Variants in ATG10 observed in about 807,000 individuals in gnomAD.
ATG10 encodes the protein ubiquitin-like-conjugating enzyme ATG10.
Under a neutral mutation model 32.1 loss-of-function variants are expected in ATG10, and 30 were observed. That is an observed-to-expected ratio of 0.94 (90% CI 0.70 to 1.27). The LOEUF (loss-of-function observed/expected upper bound fraction) is 1.27. ATG10 is among the 50% of genes most tolerant of loss of function. ATG10 has a pLI of 0.00. For missense variants in ATG10, 233 were observed against 262.3 expected, an observed-to-expected ratio of 0.89 and a Z score of 0.77; for synonymous variants, 87 against 91.5, an observed-to-expected ratio of 0.95 and a Z score of 0.28.
rs998540124 is a variant in ATG10, at chr5:82,100,141, T to A, written c.216+41539T>A. ...CTCCTGCTTCAGACTCCTGAGTAGC[T>A]GGGATTACAGGTGCCTGCCACCACA... On this transcript the variant is annotated intron_variant, in intron 3 of 7. Coordinates refer to ENST00000282185, the MANE Select transcript of ATG10 (RefSeq NM_031482.5). Among the ~76,000 whole-genome samples, 7 of 151,166 alleles carry A rather than the reference T, an allele frequency of 4.6e-5. No homozygotes were observed. The East Asian group carries it at 1.4e-3, about 30-fold the overall frequency.
chr5:82,200,382 T>A (rs1745018482), intron 5 of ATG10, among the ~76,000 whole-genome samples: 1 of 151,944 alleles, frequency 6.6e-6, no homozygotes, highest in Non-Finnish European at 1.5e-5. Flanking sequence ...TGACTAATGA[T>A]GTTGAATATC....
At chr5:81,989,098 G>T (rs1408157010) in intron 2 of ATG10, among the ~76,000 whole-genome samples, 2 of 152,314 alleles carry the variant, frequency 1.3e-5, no homozygotes, top group Non-Finnish European at 2.9e-5. Flanking sequence ...CAAAGAGCTG[G>T]GATTACAAGC....
At chr5:82,006,566 A>T (rs1366828826) in intron 2 of ATG10, among the ~76,000 whole-genome samples, 1 of 152,184 alleles carries the variant, frequency 6.6e-6, no homozygotes, top group East Asian at 1.9e-4. Context: ...GTTTATAATT[A>T]TATATTAAAA....
At chr5:82,132,783 T>C (rs1276553886) in intron 3 of ATG10, among the ~76,000 whole-genome samples, 1 of 152,128 alleles carries the variant, frequency 6.6e-6, no homozygotes, top group Non-Finnish European at 1.5e-5. Flanking sequence ...TCAAATGGTA[T>C]TCCTAGTTCT....
At chr5:82,054,689 G>A (rs1427986367) in intron 2 of ATG10, among the ~76,000 whole-genome samples, 1 of 152,122 alleles carries the variant, frequency 6.6e-6, no homozygotes, top group African/African-American at 2.4e-5. Flanking sequence ...AAACTTGAAG[G>A]TTCCCTTTGT....
At chr5:82,052,449 G>A (rs1032996785) in intron 2 of ATG10, among the ~76,000 whole-genome samples, 10 of 152,070 alleles carry the variant, frequency 6.6e-5, no homozygotes, top group Admixed American at 6.6e-4. Flanking sequence ...AAGACCTATA[G>A]GACATTTTCT....
chr5:82,198,416 C>T (rs1744942520), intron 5 of ATG10, among the ~76,000 whole-genome samples: 1 of 152,120 alleles, frequency 6.6e-6, no homozygotes, highest in Admixed American at 6.6e-5. Context: ...GTGTGCACCA[C>T]CATGCCTGGC....
At chr5:82,090,068 A>G (rs550807231) in intron 3 of ATG10, among the ~76,000 whole-genome samples, 1 of 151,884 alleles carries the variant, frequency 6.6e-6, no homozygotes, top group South Asian at 2.1e-4. Flanking sequence ...GCCTTAAAAA[A>G]AAAAAACCCA....
chr5:82,182,323 A>G (rs984806920), intron 5 of ATG10, among the ~76,000 whole-genome samples: 5 of 152,120 alleles, frequency 3.3e-5, no homozygotes, highest in African/African-American at 1.2e-4. Context: ...TCCATATCTC[A>G]TACAGTTAGG....
At chr5:82,136,639 C>G (rs1455710465) in intron 3 of ATG10, among the ~76,000 whole-genome samples, 1 of 152,130 alleles carries the variant, frequency 6.6e-6, no homozygotes, top group African/African-American at 2.4e-5. Flanking sequence ...CCTGGCTGCC[C>G]TTAACATTTT....
At chr5:81,988,065 A>G (rs915012826) in intron 2 of ATG10, among the ~76,000 whole-genome samples, 7 of 152,252 alleles carry the variant, frequency 4.6e-5, no homozygotes, top group Non-Finnish European at 1.0e-4. Flanking sequence ...AAACCAAACC[A>G]TAAACAATCA....
intron 3 of ATG10, among the ~76,000 whole-genome samples, chr5:82,129,522 G>A (rs1320342085): frequency 3.3e-5 from 5 of 152,070 alleles, no homozygotes; most frequent in Non-Finnish European, 5.9e-5. Flanking sequence ...TTCGGATGGG[G>A]TTTCTTTGTG....
At chr5:82,148,989 A>G (rs540573345) in intron 3 of ATG10, among the ~76,000 whole-genome samples, 23 of 152,014 alleles carry the variant, frequency 1.5e-4, no homozygotes, top group African/African-American at 5.5e-4. Flanking sequence ...ATTTTCATCT[A>G]CTTTAGTTGT....
At chr5:82,017,761 G>T (rs1035076449) in intron 2 of ATG10, among the ~76,000 whole-genome samples, 5 of 152,066 alleles carry the variant, frequency 3.3e-5, no homozygotes, top group African/African-American at 1.2e-4. Flanking sequence ...AAACTCACAG[G>T]TAAATTATTT....
chr5:82,243,473 C>CA (rs1746885273), intron 5 of ATG10, among the ~76,000 whole-genome samples: 1 of 151,844 alleles, frequency 6.6e-6, no homozygotes, highest in South Asian at 2.1e-4. Context: ...AGCAAGAAGT[C>CA]AAACAATTTT....
At chr5:82,176,731 T>C (rs1744044333) in intron 4 of ATG10, among the ~76,000 whole-genome samples, 1 of 152,200 alleles carries the variant, frequency 6.6e-6, no homozygotes, top group Admixed American at 6.6e-5. Flanking sequence ...AGCTTGTTTT[T>C]AACTTGTAGC....
chr5:81,972,882 T>A (rs976618465), intron 1 of ATG10, among the ~76,000 whole-genome samples: 2 of 152,066 alleles, frequency 1.3e-5, no homozygotes, highest in African/African-American at 4.8e-5. Flanking sequence ...TACAAAAGTA[T>A]TGGAAATAAG....
At chr5:81,990,187 A>G (rs979214141) in intron 2 of ATG10, among the ~76,000 whole-genome samples, 6 of 152,174 alleles carry the variant, frequency 3.9e-5, no homozygotes, top group Non-Finnish European at 8.8e-5. Context: ...ACCTGATTTA[A>G]TATTAATGCT....
intron 5 of ATG10, among the ~76,000 whole-genome samples, chr5:82,183,265 A>T (rs1282226690): frequency 6.6e-6 from 1 of 152,146 alleles, no homozygotes; most frequent in African/African-American, 2.4e-5. Context: ...AGGTTTACAC[A>T]TTAAAATAGT....
Sources: gnomAD v4.1 joint callset for allele counts (sites outside exome capture counted in the v4.1 genomes callset) on GRCh38, gnomAD v4.1.1 for gene constraint, MANE v1.5 for transcripts, NCBI Gene and HGNC (gene_info 2026-07-23, HGNC 2026-07-21) for gene names.